RSF1: variants seen among roughly 807,000 people sequenced by gnomAD.
The protein encoded by RSF1 is remodeling and spacing factor 1.
Under a neutral mutation model 145.2 loss-of-function variants are expected in RSF1, and 13 were observed. The observed-to-expected ratio is 0.09, with a 90% CI of 0.06 to 0.14. The LOEUF (loss-of-function observed/expected upper bound fraction) is 0.14. Ranked by LOEUF, RSF1 falls within the 10% of genes least tolerant of loss-of-function variation. The pLI is 1.00. For synonymous variants in RSF1, 577 were observed against 592.6 expected, an observed-to-expected ratio of 0.97 and a Z score of 0.38; for missense variants, 1,517 against 1,718.2, an observed-to-expected ratio of 0.88 and a Z score of 2.07.
At chr11:77,694,961 G>C (rs1168915935) in intron 7 of RSF1, among the ~76,000 whole-genome samples, 1 of 152,230 alleles carries the variant, frequency 6.6e-6, no homozygotes, top group African/African-American at 2.4e-5. Flanking sequence ...AGCCTACAGA[G>C]GGGAAATGCC....
rs373651499 is a variant in RSF1, at chr11:77,672,211, A to T, written c.3582T>A (p.Asp1194Glu). The T allele has an allele frequency of 3.1e-6, 5 of 1,605,480 alleles. No individual in the cohort carries two copies. The African/African-American group carries it at 6.7e-5, about 22-fold the overall frequency. Reference protein sequence around the residue: ...SRDSESDFSDDFSDDFVETRR... With the variant: ...SRDSESDFSDEFSDDFVETRR... Reference sequence around the variant, plus strand: ...GAGTTTCTACAAAATCATCACTAAAATCATCACTGAAGTCACTTTCTATTT... The same window carrying T: ...GAGTTTCTACAAAATCATCACTAAATTCATCACTGAAGTCACTTTCTATTT... Residue 1194 changes from aspartate (D) to glutamate (E), a missense_variant, in exon 15 of 16, where the codon GAT (aspartate) becomes GAA (glutamate). Asp to Glu is a conservative substitution (Grantham distance 45, BLOSUM62 2). Around this residue, in one of 12 missense-constraint regions of RSF1, gnomAD observed 231 missense variants for 276.6 expected, o/e 0.84. Transcript: ENST00000308488.
chr11:77,770,026 G>T (rs1200051784), intron 1 of RSF1, among the ~76,000 whole-genome samples: 1 of 152,144 alleles, frequency 6.6e-6, no homozygotes, highest in South Asian at 2.1e-4. Flanking sequence ...GATCCCACAG[G>T]CCACTTCATC....
intron 1 of RSF1, among the ~76,000 whole-genome samples, chr11:77,796,165 C>T (rs11824150): frequency 0.18 from 26,934 of 151,944 alleles, 2,975 homozygotes; most frequent in African/African-American, 0.3. Flanking sequence ...TTTTATGAGG[C>T]CAGCACCACC....
rs34602419 is a variant in RSF1 at position 77,799,504 on chromosome 11, C to CAAA, written c.187+21021_187+21023dup. ...GGGTGACAGAGTGAGACCCTGTCTC[C>CAAA]AAAAAAAAAAAAAAAAAGCAAAGGA... is the stretch of plus-strand genomic sequence containing the variant. On this transcript the variant is annotated intron_variant, in intron 1 of 15. Transcript: ENST00000308488. Among the ~76,000 whole-genome samples, 701 of 82,270 alleles carry CAAA rather than the reference C, an allele frequency of 8.5e-3. 10 individuals carry two copies. Among genetic ancestry groups the CAAA allele is most frequent in the African/African-American group, 0.024 (622 of 25,388 alleles). The allele number at this position is 82,270 out of a possible 152,430, so 54.0% of individuals were successfully genotyped here. A position where few individuals can be genotyped will look rare whatever the true frequency, so the allele number is the denominator to read the frequency against.
the RSF1 span, among the ~76,000 whole-genome samples, chr11:77,859,552 G>C: frequency 6.6e-6 from 1 of 152,154 alleles, no homozygotes; most frequent in African/African-American, 2.4e-5. Context: ...TCTAGTGCCC[G>C]AGTGAGGGCT....
intron 1 of RSF1, among the ~76,000 whole-genome samples, chr11:77,784,669 AT>A (rs543374357): frequency 6.6e-5 from 10 of 152,200 alleles, no homozygotes; most frequent in Admixed American, 2.6e-4. Flanking sequence ...TTTGGCAGGT[AT>A]TTATTTGCAG....
chr11:77,707,256 G>T (rs371365417), intron 5 of RSF1, among the ~76,000 whole-genome samples: 1 of 152,074 alleles, frequency 6.6e-6, no homozygotes, highest in Non-Finnish European at 1.5e-5. Flanking sequence ...TAACTGAAAC[G>T]GTAACAAAAG....
chr11:77,805,183 A>G (rs957757046), intron 1 of RSF1, among the ~76,000 whole-genome samples: 24 of 152,308 alleles, frequency 1.6e-4, no homozygotes, highest in African/African-American at 5.3e-4. Context: ...AAATGACAGA[A>G]TGTCTTGGCA....
intron 4 of RSF1, chr11:77,738,587 G>A (rs1961424822): frequency 6.6e-6 from 1 of 152,224 alleles, no homozygotes; most frequent in African/African-American, 2.4e-5. Context: ...CAGATGGTAA[G>A]TGGATGAACC....
At chr11:77,785,071 G>C (rs576311451) in intron 1 of RSF1, among the ~76,000 whole-genome samples, 6 of 152,184 alleles carry the variant, frequency 3.9e-5, no homozygotes, top group Admixed American at 2.0e-4. Context: ...CTCTCTCTCT[G>C]TTTCTGCGGT....
intron 2 of RSF1, chr11:77,762,874 G>A (rs1379920884): frequency 3.9e-5 from 6 of 152,204 alleles, no homozygotes; most frequent in Admixed American, 1.3e-4. Context: ...GGAGAAAGAC[G>A]AGAGCACTGT....
chr11:77,848,844 G>T, the RSF1 span, among the ~76,000 whole-genome samples: 3 of 152,162 alleles, frequency 2.0e-5, no homozygotes, highest in African/African-American at 7.2e-5. Flanking sequence ...GGAGTGCAGG[G>T]TTGTAATCAT....
chr11:77,800,720 G>C (rs1488945889), intron 1 of RSF1, among the ~76,000 whole-genome samples: 1 of 152,086 alleles, frequency 6.6e-6, no homozygotes, highest in Admixed American at 6.5e-5. Flanking sequence ...AAATTAGCTA[G>C]GCTTGGTGGC....
intron 3 of RSF1, among the ~76,000 whole-genome samples, chr11:77,743,126 T>C (rs1278529203): frequency 1.3e-5 from 2 of 152,196 alleles, no homozygotes; most frequent in African/African-American, 4.8e-5. Context: ...CAGTACCATG[T>C]TGTTCTGATT....
intron 7 of RSF1, 60 bp downstream of exon 7, chr11:77,698,427 C>T (rs1960335237): frequency 7.0e-7 from 1 of 1,434,656 alleles, no homozygotes; most frequent in Admixed American, 1.7e-5. Flanking sequence ...AGTTAGGCTG[C>T]TCCAGGCAAC....
chr11:77,743,316 A>T (rs1315882809), intron 3 of RSF1, among the ~76,000 whole-genome samples: 3 of 152,184 alleles, frequency 2.0e-5, no homozygotes, highest in Non-Finnish European at 4.4e-5. Context: ...TCTGTAGATC[A>T]CTTTGGGTAG....
chr11:77,798,123 G>GA (rs1293905938), intron 1 of RSF1, among the ~76,000 whole-genome samples: 3 of 152,192 alleles, frequency 2.0e-5, no homozygotes, highest in African/African-American at 7.2e-5. Context: ...TCTAGAACTA[G>GA]AAATACCATT....
At chr11:77,773,498 T>C (rs188853302) in intron 1 of RSF1, among the ~76,000 whole-genome samples, 6 of 152,326 alleles carry the variant, frequency 3.9e-5, no homozygotes, top group Admixed American at 3.9e-4. Flanking sequence ...GAAAAAAATC[T>C]AAATCTGGTC....
At chr11:77,771,750 C>A (rs1948287821) in intron 1 of RSF1, among the ~76,000 whole-genome samples, 1 of 152,244 alleles carries the variant, frequency 6.6e-6, no homozygotes, top group African/African-American at 2.4e-5. Flanking sequence ...TTATATATTT[C>A]ACATTTTCCA....
Sources: allele counts gnomAD v4.1 joint callset (sites outside exome capture counted in the v4.1 genomes callset), GRCh38; gene constraint gnomAD v4.1.1; regional missense constraint gnomAD v4.1.1; transcripts MANE v1.5; gene names NCBI Gene and HGNC (gene_info 2026-07-23, HGNC 2026-07-21).